The following SLC25A45 variants were observed in gnomAD, a reference collection of about 807,000 sequenced individuals.
SLC25A45 encodes methylated amino-acid transporter SLC25A45.
SLC25A45 carries 22 observed loss-of-function variants against 23.0 expected under a neutral mutation model. The observed-to-expected ratio is 0.95, with a 90% CI of 0.68 to 1.36. SLC25A45 has a LOEUF of 1.36. SLC25A45 is among the 40% of genes most tolerant of loss of function. The pLI, the probability that SLC25A45 is intolerant of heterozygous loss-of-function variation, is 0.00. For missense variants in SLC25A45, 355 were observed against 383.5 expected, an observed-to-expected ratio of 0.93 and a Z score of 0.62; for synonymous variants, 136 against 155.0, an observed-to-expected ratio of 0.88 and a Z score of 0.91.
intron 5 of SLC25A45, chr11:65,377,421 TACCTG>T: frequency 8.9e-7 from 1 of 1,125,826 alleles, no homozygotes; most frequent in South Asian, 2.6e-5. Context: ...GCAGTGAGCA[TACCTG>T]TACGGTGGGC....
At position 65,377,015 on chromosome 11, in the gene SLC25A45, C is replaced by G; in HGVS notation, c.401G>C (p.Arg134Thr). ...GGGTGGGGGGCTCCCTGGCTGGGCC[C>G]TTGGCTCTGTCTGGTTTTGTAGCCG... ...KVRLQNQTEPRAQPGSPPPRY... is the reference protein window; with the variant it reads ...KVRLQNQTEPTAQPGSPPPRY... Residue 134 changes from arginine (R) to threonine (T), a missense_variant, in exon 6 of 7, where the codon AGG becomes ACG. Transcript: ENST00000398802. 1 of 1,613,942 alleles carries G rather than the reference C, an allele frequency of 6.2e-7. No individual in the cohort carries two copies. The highest frequency in any genetic ancestry group is 8.5e-7 in the Non-Finnish European group (1 of 1,179,876).
intron 5 of SLC25A45, chr11:65,379,063 C>G (rs1855381659): frequency 1.6e-5 from 6 of 363,954 alleles, no homozygotes; most frequent in Admixed American, 9.1e-5. Flanking sequence ...GGGGAGTGGG[C>G]TCCCCACAGC....
chr11:65,379,872 C>G lies in SLC25A45; in HGVS notation c.148G>C (p.Glu50Gln). 4 of 1,614,216 alleles carry G rather than the reference C, an allele frequency of 2.5e-6. No homozygotes were observed. Among genetic ancestry groups the G allele is most frequent in the Non-Finnish European group, 3.4e-6 (4 of 1,180,036 alleles). ...CAAAGGAGTGGGCCACTCACGGACT[C>G]ATGGCGGTAAATCTTGACCATGCAA... ...VDCMVKIYRH[E>Q]SLLGFFKGMS... Residue 50 changes from glutamate (E) to glutamine (Q), a missense_variant, in exon 4 of 7, where the codon GAG becomes CAG. Coordinates refer to ENST00000398802, the MANE Select transcript of SLC25A45 (RefSeq NM_182556.4).
chr11:65,377,245 T>A (rs1249976513), intron 5 of SLC25A45, 169 bp from the exon 6 acceptor site: 2 of 1,430,630 alleles, frequency 1.4e-6, no homozygotes, highest in African/African-American at 1.4e-5. Flanking sequence ...GGCCAGGATG[T>A]CTGCATGCGA....
chr11:65,379,461 G>A lies in SLC25A45; in HGVS notation c.254C>T (p.Thr85Met), dbSNP rs1855420064. The change falls in exon 5 of 7, where the codon ACG (threonine) becomes ATG (methionine). Residue 85 changes from threonine to methionine, a missense_variant. Thr to Met is a moderately conservative substitution (Grantham distance 81, BLOSUM62 -1). Transcript: ENST00000398802. The stretch of plus-strand genomic sequence containing the variant: ...CCGCCGCTCCTGGTGGGAGGTGGCC[G>A]TGAGCACCAGCAGGGTGTTGCTATA... ...GVYSNTLLVLTATSHQERRAQ... is the reference protein window; with the variant it reads ...GVYSNTLLVLMATSHQERRAQ... 4.3e-6 allele frequency: 7 copies of A among 1,614,048 alleles called. No individual in the cohort carries two copies. The highest frequency in any genetic ancestry group is 2.2e-5 in the East Asian group (1 of 44,890).
At chr11:65,379,050 C>G (rs1855379298) in intron 5 of SLC25A45, 1 of 348,672 alleles carries the variant, frequency 2.9e-6, no homozygotes, top group African/African-American at 2.2e-5. Context: ...CAAAGGTCTC[C>G]TTGGGGAGTG....
chr11:65,380,244 G>C (rs1197594140), intron 2 of SLC25A45, 69 bp from the exon 3 acceptor site: 1 of 1,611,028 alleles, frequency 6.2e-7, no homozygotes. Flanking sequence ...TCTGTGCCAA[G>C]AGGAAAGAGG....
chr11:65,379,805 G>A (rs1855447633), intron 4 of SLC25A45, 62 bp downstream of exon 4: 1 of 1,591,958 alleles, frequency 6.3e-7, no homozygotes, highest in Non-Finnish European at 8.6e-7. Flanking sequence ...AGGGAAGCTG[G>A]TACCAACAGC....
intron 5 of SLC25A45, chr11:65,379,039 T>A: frequency 3.2e-6 from 1 of 317,106 alleles, no homozygotes; most frequent in Non-Finnish European, 5.9e-6. Context: ...TTCTCCAGGG[T>A]CAAAGGTCTC....
intron 5 of SLC25A45, chr11:65,377,391 T>C: frequency 8.2e-7 from 1 of 1,220,472 alleles, no homozygotes; most frequent in South Asian, 2.2e-5. Context: ...GCAGGTTGGT[T>C]TCTGGCCTCC....
In SLC25A45 at chr11:65,379,260, C is replaced by T; in HGVS notation, c.339+116G>A. 3 of 1,221,178 alleles carry T rather than the reference C, an allele frequency of 2.5e-6. No individual in the cohort carries two copies. In the South Asian group the frequency reaches 4.1e-5, roughly 17 times the overall value. The allele number at this position is 1,221,178 out of a possible 1,614,324, so 75.6% of individuals were successfully genotyped here. On this transcript the variant is annotated intron_variant, in intron 5 of 6. Coordinates refer to ENST00000398802, the MANE Select transcript of SLC25A45 (RefSeq NM_182556.4). Reference sequence around the variant, plus strand: ...AAGGCCATAGCACAGGCCTCTTGTTCCCCTCCAAGAGGCCTATGCCTCCAC... The same window carrying T: ...AAGGCCATAGCACAGGCCTCTTGTTTCCCTCCAAGAGGCCTATGCCTCCAC...
Position 65,382,205 on chromosome 11 carries a change from A to T in SLC25A45, c.-18-236T>A, listed in dbSNP as rs1313778462. 1.8e-6 allele frequency: 1 copy of T among 551,068 alleles called. No individual in the cohort carries two copies. Among genetic ancestry groups the T allele is most frequent in the Admixed American group, 3.1e-5 (1 of 32,618 alleles). The allele number at this position is 551,068 out of a possible 1,614,324, so 34.1% of individuals were successfully genotyped here. A position where few individuals can be genotyped will look rare whatever the true frequency, so the allele number is the denominator to read the frequency against. Reference sequence around the variant, plus strand: ...GCGTGCCGGGACCACAGAGGCCCTGATCCCCGAGCCCGGCCAATGATCCTC... The same window carrying T: ...GCGTGCCGGGACCACAGAGGCCCTGTTCCCCGAGCCCGGCCAATGATCCTC... On this transcript the variant is annotated intron_variant, in intron 1 of 6. Coordinates refer to ENST00000398802, the MANE Select transcript of SLC25A45 (RefSeq NM_182556.4). This position sits in a 1 kb window ranked among gnomAD's most constrained non-coding sequence, Gnocchi z 4.4.
Position 65,382,109 on chromosome 11 carries a change from A to T in SLC25A45, c.-18-140T>A. ...TGCCCAGACCTCCGGCAACTGGCAGAGGAGAGCGAGCCAGTTCCGGTGACC... is the reference window on the plus strand; with the variant it reads ...TGCCCAGACCTCCGGCAACTGGCAGTGGAGAGCGAGCCAGTTCCGGTGACC... On this transcript the variant is annotated intron_variant, in intron 1 of 6. Coordinates refer to ENST00000398802, the MANE Select transcript of SLC25A45 (RefSeq NM_182556.4). This position sits in a 1 kb window ranked among gnomAD's most constrained non-coding sequence, Gnocchi z 4.4. 2.9e-6 allele frequency: 2 copies of T among 685,600 alleles called. No homozygotes were observed. The highest frequency in any genetic ancestry group is 5.2e-6 in the Non-Finnish European group (2 of 381,648). 42.5% of individuals were successfully genotyped at this position (685,600 alleles called of 1,614,324 possible). A position where few individuals can be genotyped will look rare whatever the true frequency, so the allele number is the denominator to read the frequency against.
Position 65,376,417 on chromosome 11 carries a change from C to A in SLC25A45, c.857G>T (p.Trp286Leu). ...TFLSYEYLLRWWG is the reference protein window; with the variant it reads ...TFLSYEYLLRLWG Reference sequence around the variant, plus strand: ...GCATTGCCGCAGGGCTCATCCCCACCAGCGGAGGAGATATTCGTAGCTGAG... The same window carrying A: ...GCATTGCCGCAGGGCTCATCCCCACAAGCGGAGGAGATATTCGTAGCTGAG... The change falls in exon 7 of 7, where the codon TGG becomes TTG. Residue 286 changes from tryptophan (W) to leucine (L), a missense_variant. Coordinates refer to ENST00000398802, the MANE Select transcript of SLC25A45 (RefSeq NM_182556.4). 1 of 1,613,384 alleles carries A rather than the reference C, an allele frequency of 6.2e-7. No homozygotes were observed. Among genetic ancestry groups the A allele is most frequent in the Non-Finnish European group, 8.5e-7 (1 of 1,179,364 alleles).
intron 5 of SLC25A45, chr11:65,377,563 C>T (rs139366706): frequency 6.7e-4 from 163 of 242,586 alleles, no homozygotes; most frequent in African/African-American, 3.5e-3. Flanking sequence ...CGGAGGGGCA[C>T]AAGGCCAGCC....
At position 65,379,542 on chromosome 11, in the gene SLC25A45, C is replaced by T. The variant is rs78829599; in HGVS notation, c.173G>A (p.Gly58Glu). Residue 58 changes from glycine to glutamate, a missense_variant, in exon 5 of 7, where the codon GGA becomes GAA. Gly to Glu is a moderately conservative substitution (Grantham distance 98). Transcript: ENST00000398802. ...RHESLLGFFK[G>E]MSFPIASIAV... ...TATGCTGGCAATGGGGAAGCTCATT[C>T]CCTTGAAGAAGCCCAGGAGCTGCAG... The T allele has an allele frequency of 5.4e-3, 8,695 of 1,610,106 alleles. 37 individuals are homozygous for T. Among genetic ancestry groups the T allele is most frequent in the Non-Finnish European group, 6.7e-3 (7,860 of 1,177,008 alleles).
At chr11:65,380,345 C>T in intron 2 of SLC25A45, 170 bp from the exon 3 acceptor site, 1 of 1,023,500 alleles carries the variant, frequency 9.8e-7, no homozygotes, top group Non-Finnish European at 1.4e-6. Flanking sequence ...GCCCCTGCCA[C>T]CCCCTCCACA....
At chr11:65,380,345 C>A (rs1855483704) in intron 2 of SLC25A45, 170 bp from the exon 3 acceptor site, 2 of 1,023,500 alleles carry the variant, frequency 2.0e-6, no homozygotes, top group Non-Finnish European at 2.8e-6. Context: ...GCCCCTGCCA[C>A]CCCCTCCACA....
In SLC25A45 at chr11:65,376,344, C is replaced by G; in HGVS notation, c.*63G>C. 1.9e-6 allele frequency: 3 copies of G among 1,576,030 alleles called. No individual in the cohort carries two copies. Among genetic ancestry groups the G allele is most frequent in the Non-Finnish European group, 2.6e-6 (3 of 1,155,826 alleles). ...GATTTGCAAGCTTTCAACCTGGCCT[C>G]CAATCTCAAACTGGCCTCCAGGCCG... On this transcript the variant is annotated 3_prime_UTR_variant, in exon 7 of 7. Transcript: ENST00000398802.
Sources: allele counts gnomAD v4.1 joint callset, GRCh38; gene constraint gnomAD v4.1.1; non-coding constraint Gnocchi (gnomAD v3.1); transcripts MANE v1.5; gene names NCBI Gene and HGNC (gene_info 2026-07-23, HGNC 2026-07-21).